EIF3H: variants seen among roughly 807,000 people sequenced by gnomAD.
The protein encoded by EIF3H is eIF-3-gamma.
EIF3H carries 26 observed loss-of-function variants against 44.2 expected under a neutral mutation model. The ratio of observed to expected loss-of-function variants is 0.59; its 90% CI spans 0.43 to 0.82. EIF3H has a LOEUF of 0.82. Among genes scored for constraint, EIF3H ranks in the 40% least tolerant of loss-of-function variants. The pLI, the probability that EIF3H is intolerant of heterozygous loss-of-function variation, is 0.00. For synonymous variants in EIF3H, 166 were observed against 151.9 expected, an observed-to-expected ratio of 1.09 and a Z score of -0.68; for missense variants, 359 against 432.8, an observed-to-expected ratio of 0.83 and a Z score of 1.51.
chr8:116,759,722 C>T (rs775861753), upstream of EIF3H, among the ~76,000 whole-genome samples: 30 of 151,720 alleles, frequency 2.0e-4, 1 homozygote, highest in Non-Finnish European at 3.4e-4. Flanking sequence ...TGTGTGTGTG[C>T]GTGTGCGCGC....
upstream of EIF3H, among the ~76,000 whole-genome samples, chr8:116,759,367 A>T (rs1429378257): frequency 5.3e-5 from 8 of 152,186 alleles, no homozygotes; most frequent in African/African-American, 1.7e-4. Context: ...GTCACACCTG[A>T]GTGAGCAAAT....
chr8:116,732,814 G>A (rs2130940027), intron 1 of EIF3H, among the ~76,000 whole-genome samples: 1 of 152,262 alleles, frequency 6.6e-6, no homozygotes, highest in South Asian at 2.1e-4. Context: ...CAAACACACT[G>A]TTTCTCTTTA....
In EIF3H at chr8:116,703,177, AAAT is replaced by A. The variant is rs560307938; in HGVS notation, c.289+22836_289+22838del. Among the ~76,000 whole-genome samples the A allele has an allele frequency of 9.8e-5, 15 of 152,318 alleles. No individual in the cohort carries two copies. The South Asian group carries it at 3.1e-3, about 32-fold the overall frequency. ...GTTTATGGTATTATTCTTTATTCCA[AAAT>A]AATAATCTTTCTTCTACCATTATAA... On this transcript the variant is annotated intron_variant, in intron 2 of 7. Transcript: ENST00000521861.
chr8:116,744,230 A>C (rs907599025), intron 1 of EIF3H, among the ~76,000 whole-genome samples: 1 of 148,636 alleles, frequency 6.7e-6, no homozygotes, highest in Non-Finnish European at 1.5e-5. Flanking sequence ...AAAAAAAAAC[A>C]AACAGTAAGC....
At chr8:116,670,390 C>T (rs1813733183) in intron 2 of EIF3H, among the ~76,000 whole-genome samples, 1 of 152,150 alleles carries the variant, frequency 6.6e-6, no homozygotes, top group Non-Finnish European at 1.5e-5. Flanking sequence ...GATACACTAT[C>T]AGGACAAGTA....
chr8:116,665,930 T>C (rs149302805), intron 2 of EIF3H, among the ~76,000 whole-genome samples: 3 of 152,336 alleles, frequency 2.0e-5, no homozygotes, highest in East Asian at 1.9e-4. Flanking sequence ...GAAAGAATTA[T>C]GGAGTACACA....
chr8:116,752,748 A>AGAAGG (rs1343519490), intron 1 of EIF3H, among the ~76,000 whole-genome samples: 2 of 104,336 alleles, frequency 1.9e-5, no homozygotes, highest in Non-Finnish European at 4.0e-5. Context: ...AAAGAAAGAA[A>AGAAGG]GAAAGAGGGA....
At chr8:116,673,626 G>A (rs34767002) in intron 2 of EIF3H, among the ~76,000 whole-genome samples, 3,416 of 152,168 alleles carry the variant, frequency 0.022, 56 homozygotes, top group Non-Finnish European at 0.031. Context: ...TGGCTTTATT[G>A]GCATTAACTG....
chr8:116,660,499 C>CA (rs1158325930), intron 2 of EIF3H, among the ~76,000 whole-genome samples: 2 of 152,102 alleles, frequency 1.3e-5, no homozygotes, highest in Non-Finnish European at 2.9e-5. Flanking sequence ...GCCAACTCAT[C>CA]AACTACACAA....
intron 1 of EIF3H, among the ~76,000 whole-genome samples, chr8:116,764,779 G>T (rs971286859): frequency 6.6e-6 from 1 of 152,112 alleles, no homozygotes; most frequent in African/African-American, 2.4e-5. Flanking sequence ...TCGGGCTCCC[G>T]AAGTTCTGGT....
In EIF3H at chr8:116,740,474, C is replaced by T. The variant is rs144079886; in HGVS notation, c.133-14302G>A. On this transcript the variant is annotated intron_variant, in intron 1 of 7. Transcript: ENST00000521861. Reference sequence around the variant, plus strand: ...CCCTTAGCTCTAATTCTATTCTGAACATCGTATTTTTAAGAATGGTAAAAA... The same window carrying T: ...CCCTTAGCTCTAATTCTATTCTGAATATCGTATTTTTAAGAATGGTAAAAA... Among the ~76,000 whole-genome samples the T allele has an allele frequency of 9.6e-3, 1,462 of 152,260 alleles. 10 individuals carry two copies. The highest frequency in any genetic ancestry group is 0.015 in the Non-Finnish European group (1,040 of 68,022).
intron 2 of EIF3H, among the ~76,000 whole-genome samples, chr8:116,714,044 G>A (rs1586471554): frequency 1.3e-5 from 2 of 151,856 alleles, no homozygotes; most frequent in South Asian, 4.1e-4. Flanking sequence ...AAAAACAAAC[G>A]TCAAAAACAA....
At chr8:116,753,114 T>C (rs1378199226) in intron 1 of EIF3H, among the ~76,000 whole-genome samples, 1 of 152,052 alleles carries the variant, frequency 6.6e-6, no homozygotes, top group Non-Finnish European at 1.5e-5. Flanking sequence ...CATTAAAAAA[T>C]GAGCAACCAA....
intron 1 of EIF3H, among the ~76,000 whole-genome samples, chr8:116,729,041 T>C (rs1470946184): frequency 6.6e-6 from 1 of 152,184 alleles, no homozygotes; most frequent in East Asian, 1.9e-4. Context: ...ATACAGGTGA[T>C]CAAGACGGGA....
intron 2 of EIF3H, among the ~76,000 whole-genome samples, chr8:116,690,680 C>T (rs1814159863): frequency 6.6e-6 from 1 of 152,204 alleles, no homozygotes; most frequent in Non-Finnish European, 1.5e-5. Flanking sequence ...TTGATCCTAA[C>T]TGCCACTTCC....
upstream of EIF3H, chr8:116,755,970 C>G (rs990084522): frequency 2.6e-6 from 4 of 1,536,168 alleles, no homozygotes; most frequent in Non-Finnish European, 3.5e-6. Flanking sequence ...CAGGCGGTAT[C>G]CTTTGTGCAT....
At chr8:116,737,600 T>G (rs2130951254) in intron 1 of EIF3H, 1 of 184,024 alleles carries the variant, frequency 5.4e-6, no homozygotes, top group Middle Eastern at 2.6e-3. Context: ...GAGGATGCAG[T>G]GAGCTGAGAT....
chr8:116,703,523 C>G (rs1814415476), intron 2 of EIF3H, among the ~76,000 whole-genome samples: 1 of 152,256 alleles, frequency 6.6e-6, no homozygotes, highest in Non-Finnish European at 1.5e-5. Context: ...CTCTGTACAC[C>G]TGGCTCCGCC....
At chr8:116,701,479 G>A (rs1814374568) in intron 2 of EIF3H, among the ~76,000 whole-genome samples, 1 of 152,070 alleles carries the variant, frequency 6.6e-6, no homozygotes, top group Non-Finnish European at 1.5e-5. Context: ...TTATGGGCTG[G>A]ACTTAGTGAC....
Sources: gnomAD v4.1 joint callset for allele counts (sites outside exome capture counted in the v4.1 genomes callset) on GRCh38, gnomAD v4.1.1 for gene constraint, MANE v1.5 for transcripts, NCBI Gene and HGNC (gene_info 2026-07-23, HGNC 2026-07-21) for gene names.